The following VSTM2A variants were observed in gnomAD, a reference collection of about 807,000 sequenced individuals.
The protein encoded by VSTM2A is V-set and transmembrane domain containing 2A, also known as V-set and transmembrane domain-containing protein 2A.
In VSTM2A, 13 loss-of-function variants were observed where a neutral mutation model predicts 27.3. The ratio of observed to expected loss-of-function variants is 0.48; its 90% CI spans 0.31 to 0.76. The LOEUF is 0.76. Ranked by LOEUF, VSTM2A falls within the 30% of genes least tolerant of loss-of-function variation. The probability of loss-of-function intolerance (pLI) is 0.05; values close to 1 mark genes in which losing one functional copy is unlikely to be tolerated. For missense variants in VSTM2A, 280 were observed against 310.0 expected (o/e 0.90, Z 0.73); for synonymous variants, 142 against 125.7 (o/e 1.13, Z -0.87).
At position 54,570,400 on chromosome 7, in the gene VSTM2A, C is replaced by T. The variant is rs1490842793; in HGVS notation, c.*1181C>T. 1 of 152,148 alleles carries T rather than the reference C, an allele frequency of 6.6e-6. No individual in the cohort carries two copies. The highest frequency in any genetic ancestry group is 2.4e-5 in the African/African-American group (1 of 41,438). 9.4% of individuals were successfully genotyped at this position (152,148 alleles called of 1,614,324 possible). On this transcript the variant is annotated 3_prime_UTR_variant, in exon 5 of 5. Transcript: ENST00000402613. ...TTTCTTGCTATGGTTAAAAATGCTG[C>T]TTCCTTTGACCTTTATGAATTTCTG...
rs1788825800 is a variant in VSTM2A at position 54,569,464 on chromosome 7, A to T, written c.*245A>T. 15 of 561,584 alleles carry T rather than the reference A, an allele frequency of 2.7e-5. No individual in the cohort carries two copies. 34.8% of individuals were successfully genotyped at this position (561,584 alleles called of 1,614,324 possible). On this transcript the variant is annotated 3_prime_UTR_variant, in exon 5 of 5. Coordinates refer to ENST00000402613, the MANE Select transcript of VSTM2A (RefSeq NM_001301009.2). ...AGGATAGGGAATATTTACTATGGATACCACTAATTTCCTACTAAAGGACCC... is the reference window on the plus strand; with the variant it reads ...AGGATAGGGAATATTTACTATGGATTCCACTAATTTCCTACTAAAGGACCC...
rs1788820798 is a variant in VSTM2A, at chr7:54,569,288, T to C, written c.*69T>C. On this transcript the variant is annotated 3_prime_UTR_variant, in exon 5 of 5. Transcript: ENST00000402613. ...AGGCTATCACATGCTTTGTTGATCA[T>C]ATTTTCTTTGGCAAAACACTGATCT... is the stretch of plus-strand genomic sequence containing the variant. 2 of 1,538,164 alleles carry C rather than the reference T, an allele frequency of 1.3e-6. No homozygotes were observed.
chr7:54,563,289 T>G (rs985026704), intron 4 of VSTM2A, among the ~76,000 whole-genome samples: 4 of 152,208 alleles, frequency 2.6e-5, no homozygotes, highest in African/African-American at 9.7e-5. Flanking sequence ...TACTACCTAC[T>G]AGTTGAATAA....
At chr7:54,565,834 T>G (rs932115326) in intron 4 of VSTM2A, among the ~76,000 whole-genome samples, 4 of 152,262 alleles carry the variant, frequency 2.6e-5, no homozygotes, top group African/African-American at 9.6e-5. Context: ...AGTTAATATC[T>G]GGAAGGGTTT....
At position 54,546,689 on chromosome 7, in the gene VSTM2A, CGCCGGGACAG is replaced by C. The variant is rs1788000854; in HGVS notation, c.247-257_247-248del. On this transcript the variant is annotated intron_variant, in intron 2 of 4. Coordinates refer to ENST00000402613, the MANE Select transcript of VSTM2A (RefSeq NM_001301009.2). ...CGCGGCAGGGACAGCGCCGGGACAG[CGCCGGGACAG>C]CCCCGGGACAGCCCCGGGGAAAGCG... 5 of 437,700 alleles carry C rather than the reference CGCCGGGACAG, an allele frequency of 1.1e-5. No individual in the cohort carries two copies. In the South Asian group the frequency reaches 1.1e-4, roughly 10 times the overall value. 27.1% of individuals were successfully genotyped at this position (437,700 alleles called of 1,614,324 possible).
chr7:54,558,678 G>A (rs568109598), intron 4 of VSTM2A: 14 of 152,030 alleles, frequency 9.2e-5, no homozygotes, highest in Middle Eastern at 3.4e-3. Flanking sequence ...TGGAAAGCTC[G>A]AAAATTATAC....
chr7:54,553,020 T>C (rs1788239727), intron 4 of VSTM2A, among the ~76,000 whole-genome samples: 1 of 152,248 alleles, frequency 6.6e-6, no homozygotes, highest in Non-Finnish European at 1.5e-5. Flanking sequence ...AAAATAATTT[T>C]ATATAAAATC....
At chr7:54,553,840 C>T in intron 4 of VSTM2A, 1 of 1,551,064 alleles carries the variant, frequency 6.4e-7, no homozygotes, top group Non-Finnish European at 8.7e-7. Context: ...AAGTCATTCT[C>T]TACTTGTTTC....
chr7:54,569,057 G>T, intron 4 of VSTM2A, 74 bp from the exon 5 acceptor site: 2 of 1,606,836 alleles, frequency 1.2e-6, no homozygotes, highest in Non-Finnish European at 1.7e-6. Flanking sequence ...CTTCTTGTTT[G>T]TGGCTTTGTG....
intron 4 of VSTM2A, among the ~76,000 whole-genome samples, chr7:54,564,366 G>C (rs1584067170): frequency 6.6e-6 from 1 of 152,144 alleles, no homozygotes; most frequent in East Asian, 1.9e-4. Flanking sequence ...GACAAGAAGA[G>C]AAAGAAGAGA....
chr7:54,554,561 C>T (rs1584055533), intron 4 of VSTM2A, among the ~76,000 whole-genome samples: 1 of 152,208 alleles, frequency 6.6e-6, no homozygotes, highest in Non-Finnish European at 1.5e-5. Flanking sequence ...TTTCCTTCCC[C>T]TGAGCATAGG....
chr7:54,553,735 G>A, intron 4 of VSTM2A: 1 of 1,270,412 alleles, frequency 7.9e-7, no homozygotes, highest in Non-Finnish European at 1.1e-6. Context: ...GGAAGTCCCA[G>A]GATCTTGACC....
At chr7:54,543,272 A>T (rs1787843808) in intron 1 of VSTM2A, among the ~76,000 whole-genome samples, 1 of 152,168 alleles carries the variant, frequency 6.6e-6, no homozygotes, top group Non-Finnish European at 1.5e-5. Flanking sequence ...ATCAAAGGAC[A>T]GACTCCTCTG....
intron 3 of VSTM2A, among the ~76,000 whole-genome samples, chr7:54,548,168 A>G (rs148866958): frequency 4.0e-4 from 61 of 152,224 alleles, no homozygotes; most frequent in African/African-American, 1.4e-3. Flanking sequence ...TTCACCCTTC[A>G]CCCGTCCCCC....
chr7:54,562,662 G>A (rs952529392), intron 4 of VSTM2A, among the ~76,000 whole-genome samples: 3 of 152,132 alleles, frequency 2.0e-5, no homozygotes, highest in Non-Finnish European at 2.9e-5. Flanking sequence ...TGACTGAGCC[G>A]GGGAAGGGCT....
At chr7:54,560,939 G>C (rs916080986) in intron 4 of VSTM2A, among the ~76,000 whole-genome samples, 1 of 152,074 alleles carries the variant, frequency 6.6e-6, no homozygotes, top group African/African-American at 2.4e-5. Flanking sequence ...CATTTTGATG[G>C]CTTCTGTTAC....
At chr7:54,546,555 C>A (rs1787981555) in intron 2 of VSTM2A, 1 of 69,800 alleles carries the variant, frequency 1.4e-5, no homozygotes, top group African/African-American at 9.5e-5. Flanking sequence ...ACCCCTGGCG[C>A]CCCCCCGCCT....
Position 54,564,949 on chromosome 7 carries a change from A to G in VSTM2A, c.635-4182A>G, listed in dbSNP as rs533666429. On this transcript the variant is annotated intron_variant, in intron 4 of 4. Coordinates refer to ENST00000402613, the MANE Select transcript of VSTM2A (RefSeq NM_001301009.2). ...AATGCGTTGAAAAACCAAGAGGCTG[A>G]TAATGTTTTCATATCCAATATCAGT... is the stretch of plus-strand genomic sequence containing the variant. Among the ~76,000 whole-genome samples the G allele has an allele frequency of 3.3e-5, 5 of 152,360 alleles. No individual in the cohort carries two copies. The South Asian group carries it at 6.2e-4, about 19-fold the overall frequency.
chr7:54,564,272 A>G (rs776512305), intron 4 of VSTM2A, among the ~76,000 whole-genome samples: 17 of 152,214 alleles, frequency 1.1e-4, no homozygotes, highest in Non-Finnish European at 2.1e-4. Context: ...GAGTCAGACC[A>G]TGCAGCCACA....
Sources: allele counts gnomAD v4.1 joint callset (sites outside exome capture counted in the v4.1 genomes callset), GRCh38; gene constraint gnomAD v4.1.1; transcripts MANE v1.5; gene names NCBI Gene and HGNC (gene_info 2026-07-23, HGNC 2026-07-21).